The following CAMK2D variants were observed in gnomAD, a reference collection of about 807,000 sequenced individuals.
The protein encoded by CAMK2D is calcium/calmodulin dependent protein kinase II delta.
Under a neutral mutation model 84.0 loss-of-function variants are expected in CAMK2D, and 37 were observed. The ratio of observed to expected loss-of-function variants is 0.44; its 90% CI spans 0.34 to 0.58. CAMK2D has a LOEUF of 0.58. Ranked by LOEUF, CAMK2D falls within the 20% of genes least tolerant of loss-of-function variation. CAMK2D has a pLI of 0.02. For synonymous variants in CAMK2D, 202 were observed against 212.5 expected (o/e 0.95, Z 0.43); for missense variants, 448 against 652.5 (o/e 0.69, Z 3.41).
intron 4 of CAMK2D, among the ~76,000 whole-genome samples, chr4:113,586,683 G>GCT (rs757220500): frequency 2.6e-5 from 4 of 152,080 alleles, no homozygotes; most frequent in Non-Finnish European, 4.4e-5. Flanking sequence ...AATAGAACCA[G>GCT]CTCTCACAAA....
chr4:113,497,307 T>C (rs1219378736), intron 16 of CAMK2D, among the ~76,000 whole-genome samples: 1 of 152,164 alleles, frequency 6.6e-6, no homozygotes, highest in Non-Finnish European at 1.5e-5. Flanking sequence ...GAGAAGCACA[T>C]GGAAGTCAGG....
At position 113,537,329 on chromosome 4, in the gene CAMK2D, G is replaced by A; in HGVS notation, c.517+12C>T. 2 of 1,435,534 alleles carry A rather than the reference G, an allele frequency of 1.4e-6. No homozygotes were observed. The highest frequency in any genetic ancestry group is 2.0e-6 in the Non-Finnish European group (2 of 1,019,020). 88.9% of individuals were successfully genotyped at this position (1,435,534 alleles called of 1,614,324 possible). On this transcript the variant is annotated intron_variant, in intron 7 of 20. Coordinates refer to ENST00000511664, the MANE Select transcript of CAMK2D (RefSeq NM_001321571.2). ...AGACTATAGGTAGCATGAAGGAGGG[G>A]GCCCTACTCACCAAACCACGCCTGC...
At chr4:113,503,280 C>T (rs534535791) in intron 14 of CAMK2D, 3 of 609,046 alleles carry the variant, frequency 4.9e-6, no homozygotes, top group Admixed American at 3.7e-5. Context: ...TCACTTAATC[C>T]TATGCTTTCC....
At chr4:113,688,778 CATTATT>C (rs2099367689) in intron 2 of CAMK2D, among the ~76,000 whole-genome samples, 1 of 152,084 alleles carries the variant, frequency 6.6e-6, no homozygotes, top group Non-Finnish European at 1.5e-5. Flanking sequence ...GAGGCCACCT[CATTATT>C]GCTTCTTGTC....
At chr4:113,485,537 T>C (rs1400854652) in intron 16 of CAMK2D, among the ~76,000 whole-genome samples, 2 of 152,222 alleles carry the variant, frequency 1.3e-5, no homozygotes, top group Non-Finnish European at 1.5e-5. Context: ...TGTATCTCCC[T>C]TTAGACATAG....
rs537780934 is a variant in CAMK2D at position 113,719,681 on chromosome 4, G to A, written c.160+39639C>T. On this transcript the variant is annotated intron_variant, in intron 2 of 20. Transcript: ENST00000511664. ...CTAAAAATTTAAGGCCCCCTTGGGG[G>A]ATGGGGAAGGAAGAAACCTCTAAGA... Among the ~76,000 whole-genome samples the A allele has an allele frequency of 3.3e-5, 5 of 152,310 alleles. No individual in the cohort carries two copies. In the South Asian group the frequency reaches 8.3e-4, roughly 25 times the overall value.
intron 3 of CAMK2D, among the ~76,000 whole-genome samples, chr4:113,609,497 A>C (rs553904840): frequency 1.3e-5 from 2 of 152,318 alleles, no homozygotes; most frequent in Admixed American, 1.3e-4. Context: ...TGAGATAAAA[A>C]TCCACAAATT....
intron 2 of CAMK2D, among the ~76,000 whole-genome samples, chr4:113,687,599 G>T (rs2099363592): frequency 6.6e-6 from 1 of 152,200 alleles, no homozygotes; most frequent in Non-Finnish European, 1.5e-5. Context: ...AAAAGAGCAA[G>T]TTTGTCTTGT....
chr4:113,672,092 A>G (rs1183135767), intron 2 of CAMK2D, among the ~76,000 whole-genome samples: 3 of 146,280 alleles, frequency 2.1e-5, no homozygotes, highest in Non-Finnish European at 4.4e-5. Flanking sequence ...TTCTAAACAC[A>G]AAAAAGACTT....
intron 16 of CAMK2D, among the ~76,000 whole-genome samples, chr4:113,477,482 A>G (rs1025955749): frequency 1.3e-5 from 2 of 151,218 alleles, no homozygotes; most frequent in East Asian, 3.9e-4. Flanking sequence ...GCAGTGGCCC[A>G]TGCCTGTAAT....
chr4:113,724,555 C>T (rs2099540400), intron 2 of CAMK2D, among the ~76,000 whole-genome samples: 1 of 150,932 alleles, frequency 6.6e-6, no homozygotes, highest in African/African-American at 2.4e-5. Flanking sequence ...CATAAAGCAC[C>T]AATAAAGTAG....
At chr4:113,648,503 T>C (rs1018414689) in intron 3 of CAMK2D, among the ~76,000 whole-genome samples, 1 of 152,208 alleles carries the variant, frequency 6.6e-6, no homozygotes, top group South Asian at 2.1e-4. Flanking sequence ...TCTGATGGGA[T>C]ATACACAAAT....
chr4:113,689,306 C>T (rs1435705375), intron 2 of CAMK2D, among the ~76,000 whole-genome samples: 1 of 152,074 alleles, frequency 6.6e-6, no homozygotes, highest in African/African-American at 2.4e-5. Flanking sequence ...CAATTAATTT[C>T]CTACTCTTGT....
chr4:113,714,812 A>G (rs1380566404), intron 2 of CAMK2D, among the ~76,000 whole-genome samples: 1 of 152,176 alleles, frequency 6.6e-6, no homozygotes, highest in Non-Finnish European at 1.5e-5. Flanking sequence ...TGTAAATAAA[A>G]TGTGTATGTT....
At chr4:113,677,017 A>T (rs966977238) in intron 2 of CAMK2D, among the ~76,000 whole-genome samples, 1 of 152,184 alleles carries the variant, frequency 6.6e-6, no homozygotes, top group African/African-American at 2.4e-5. Flanking sequence ...CTAAAGGCGA[A>T]GAGCTAAAAT....
intron 2 of CAMK2D, among the ~76,000 whole-genome samples, chr4:113,701,357 T>A (rs1289588448): frequency 6.6e-6 from 1 of 152,212 alleles, no homozygotes; most frequent in Non-Finnish European, 1.5e-5. Context: ...CCATTGAAGG[T>A]TGGATTCTCC....
intron 3 of CAMK2D, among the ~76,000 whole-genome samples, chr4:113,614,298 C>G (rs571322101): frequency 5.9e-5 from 9 of 152,178 alleles, no homozygotes; most frequent in African/African-American, 2.2e-4. Context: ...TTCCTCTTCA[C>G]TAAAATTTAT....
At chr4:113,687,163 C>T (rs916535507) in intron 2 of CAMK2D, among the ~76,000 whole-genome samples, 1 of 152,034 alleles carries the variant, frequency 6.6e-6, no homozygotes, top group African/African-American at 2.4e-5. Flanking sequence ...TTCTCCCTTC[C>T]CCATTTGAAA....
chr4:113,680,255 A>G (rs1441925880), intron 2 of CAMK2D, among the ~76,000 whole-genome samples: 1 of 152,164 alleles, frequency 6.6e-6, no homozygotes, highest in Non-Finnish European at 1.5e-5. Context: ...TGGAAAGGAG[A>G]AGGAAGAAAG....
Sources: gnomAD v4.1 joint callset for allele counts (sites outside exome capture counted in the v4.1 genomes callset) on GRCh38, gnomAD v4.1.1 for gene constraint, MANE v1.5 for transcripts, NCBI Gene and HGNC (gene_info 2026-07-23, HGNC 2026-07-21) for gene names.